The following CSMD1 variants were observed in gnomAD, a reference collection of about 807,000 sequenced individuals.
CSMD1 encodes the protein CUB and Sushi multiple domains 1.
In CSMD1, 213 loss-of-function variants were observed where a neutral mutation model predicts 417.5. The observed-to-expected ratio is 0.51, with a 90% CI of 0.46 to 0.57. The LOEUF is 0.57. CSMD1 is among the 20% of genes least tolerant of loss of function. The pLI, the probability that CSMD1 is intolerant of heterozygous loss-of-function variation, is 0.00. For missense variants in CSMD1, 6,923 were observed against 4,529.7 expected (o/e 1.53, Z -15.17); for synonymous variants, 2,862 against 1,736.8 (o/e 1.65, Z -16.11).
intron 50 of CSMD1, among the ~76,000 whole-genome samples, chr8:3,045,531 G>C (rs1162462174): frequency 6.6e-6 from 1 of 152,146 alleles, no homozygotes. Context: ...GAAGATTTTA[G>C]AGAAAATTAG....
intron 5 of CSMD1, among the ~76,000 whole-genome samples, chr8:3,978,691 A>G (rs1585067848): frequency 6.6e-6 from 1 of 152,054 alleles, no homozygotes; most frequent in Non-Finnish European, 1.5e-5. Context: ...ACCCGGCTCT[A>G]CTTATCACTA....
intron 3 of CSMD1, among the ~76,000 whole-genome samples, chr8:4,332,080 A>G (rs1799898828): frequency 6.6e-6 from 1 of 152,136 alleles, no homozygotes; most frequent in South Asian, 2.1e-4. Context: ...CCACTGAATC[A>G]TCTATTTTTA....
chr8:4,138,456 C>T (rs1045084430), intron 3 of CSMD1, among the ~76,000 whole-genome samples: 1 of 152,028 alleles, frequency 6.6e-6, no homozygotes, highest in Non-Finnish European at 1.5e-5. Context: ...ACACAGAACG[C>T]AGGAGGAAAT....
chr8:4,386,320 C>T (rs998924063), intron 3 of CSMD1, among the ~76,000 whole-genome samples: 1 of 152,010 alleles, frequency 6.6e-6, no homozygotes, highest in Non-Finnish European at 1.5e-5. Context: ...AGACATTCTC[C>T]TACCTTCCGT....
rs547246259 is a variant in CSMD1 at position 3,661,350 on chromosome 8, C to T, written c.1010-44553G>A. On this transcript the variant is annotated intron_variant, in intron 7 of 69. Coordinates refer to ENST00000635120, the MANE Select transcript of CSMD1 (RefSeq NM_033225.6). The stretch of plus-strand genomic sequence containing the variant: ...CAACCTGCAACCAATCCAGCTGTTT[C>T]TCCACCTCACTGCAGATTTCTGTAT... Among the ~76,000 whole-genome samples, 5 of 152,270 alleles carry T rather than the reference C, an allele frequency of 3.3e-5. No individual in the cohort carries two copies. The South Asian group carries it at 1.0e-3, about 32-fold the overall frequency.
At chr8:3,826,289 T>A (rs573584476) in intron 5 of CSMD1, among the ~76,000 whole-genome samples, 38 of 152,060 alleles carry the variant, frequency 2.5e-4, no homozygotes, top group African/African-American at 8.9e-4. Flanking sequence ...CCCAGGGTAA[T>A]GAAGGAGGTT....
intron 2 of CSMD1, among the ~76,000 whole-genome samples, chr8:4,624,463 G>T (rs1340150851): frequency 6.6e-6 from 1 of 152,146 alleles, no homozygotes; most frequent in Non-Finnish European, 1.5e-5. Flanking sequence ...CAAGGCTGCA[G>T]TTGTCAATCA....
chr8:3,618,349 T>C (rs1206457807), intron 7 of CSMD1, among the ~76,000 whole-genome samples: 1 of 152,184 alleles, frequency 6.6e-6, no homozygotes, highest in Non-Finnish European at 1.5e-5. Flanking sequence ...TTGGGTAACA[T>C]AATCCTTCAT....
chr8:3,862,106 T>G (rs931468639), intron 5 of CSMD1, among the ~76,000 whole-genome samples: 1 of 152,194 alleles, frequency 6.6e-6, no homozygotes, highest in Non-Finnish European at 1.5e-5. Context: ...ACACTATCAT[T>G]TTTTTCAACT....
chr8:3,061,468 C>T (rs1812583783), intron 49 of CSMD1, among the ~76,000 whole-genome samples: 1 of 152,200 alleles, frequency 6.6e-6, no homozygotes, highest in South Asian at 2.1e-4. Flanking sequence ...TTTCTCTGCA[C>T]CGTGGATATC....
intron 4 of CSMD1, among the ~76,000 whole-genome samples, chr8:4,020,676 C>G (rs1796744624): frequency 6.6e-6 from 1 of 152,220 alleles, no homozygotes; most frequent in Admixed American, 6.5e-5. Context: ...GATAACAAAG[C>G]TGTTTTCATT....
chr8:3,484,376 C>T (rs1340638183), intron 11 of CSMD1, among the ~76,000 whole-genome samples: 2 of 152,186 alleles, frequency 1.3e-5, no homozygotes, highest in Admixed American at 6.5e-5. Flanking sequence ...GTTGGATACA[C>T]GAACTGCCAG....
At chr8:3,337,398 C>A (rs1203251942) in intron 23 of CSMD1, among the ~76,000 whole-genome samples, 1 of 152,152 alleles carries the variant, frequency 6.6e-6, no homozygotes, top group African/African-American at 2.4e-5. Flanking sequence ...CATAATTACA[C>A]CCGTGCCTGA....
chr8:3,638,127 T>C (rs7015917), intron 7 of CSMD1, among the ~76,000 whole-genome samples: 71,436 of 151,614 alleles, frequency 0.47, 16,928 homozygotes, highest in Middle Eastern at 0.64. Context: ...GCAGGTTGAG[T>C]CTTAAACGTA....
intron 1 of CSMD1, among the ~76,000 whole-genome samples, chr8:4,766,797 A>G (rs17071250): frequency 0.5 from 76,660 of 151,974 alleles, 19,654 homozygotes; most frequent in Admixed American, 0.64. Flanking sequence ...TGGATTCTAC[A>G]TATGTTACAT....
chr8:3,596,083 A>C (rs972566227), intron 8 of CSMD1, among the ~76,000 whole-genome samples: 1 of 152,108 alleles, frequency 6.6e-6, no homozygotes, highest in African/African-American at 2.4e-5. Flanking sequence ...GACTCTTCGA[A>C]CTCTAGACCA....
At chr8:4,158,513 C>G (rs948688359) in intron 3 of CSMD1, among the ~76,000 whole-genome samples, 1 of 152,102 alleles carries the variant, frequency 6.6e-6, no homozygotes, top group Non-Finnish European at 1.5e-5. Context: ...TGGAAAAACT[C>G]CCAAAGAAAC....
chr8:4,299,279 A>T (rs909946700), intron 3 of CSMD1, among the ~76,000 whole-genome samples: 1 of 152,202 alleles, frequency 6.6e-6, no homozygotes. Context: ...GATAAGATAA[A>T]GTTTTTCTTC....
intron 54 of CSMD1, among the ~76,000 whole-genome samples, chr8:2,992,085 C>T (rs187963261): frequency 6.6e-6 from 1 of 152,298 alleles, no homozygotes. Flanking sequence ...ATCTTAATTA[C>T]ATTCACATGA....
Sources: gnomAD v4.1 joint callset for allele counts (sites outside exome capture counted in the v4.1 genomes callset) on GRCh38, gnomAD v4.1.1 for gene constraint, MANE v1.5 for transcripts, NCBI Gene and HGNC (gene_info 2026-07-23, HGNC 2026-07-21) for gene names.